Variants in VPS41 observed in about 807,000 individuals in gnomAD.
VPS41 encodes the protein VPS41 subunit of HOPS complex, also known as vacuolar protein sorting-associated protein 41 homolog.
VPS41 carries 85 observed loss-of-function variants against 130.9 expected under a neutral mutation model. That is an observed-to-expected ratio of 0.65 (90% CI 0.55 to 0.78). The LOEUF (loss-of-function observed/expected upper bound fraction) is 0.78. Ranked by LOEUF, VPS41 falls within the 30% of genes least tolerant of loss-of-function variation. The probability of loss-of-function intolerance (pLI) is 0.00; values close to 1 mark genes in which losing one functional copy is unlikely to be tolerated. For synonymous variants in VPS41, 335 were observed against 332.9 expected (o/e 1.01, Z -0.07); for missense variants, 874 against 1,018.7 (o/e 0.86, Z 1.93).
At chr7:38,845,561 G>A (rs1785705984) in intron 4 of VPS41, among the ~76,000 whole-genome samples, 1 of 152,174 alleles carries the variant, frequency 6.6e-6, no homozygotes, top group Admixed American at 6.5e-5. Flanking sequence ...TCTCTTAACA[G>A]TTCAGATCAA....
chr7:38,801,553 T>C (rs1410781444), intron 7 of VPS41, among the ~76,000 whole-genome samples: 2 of 152,216 alleles, frequency 1.3e-5, no homozygotes, highest in East Asian at 3.9e-4. Flanking sequence ...ATAAACATAC[T>C]AAGGAAAGTC....
chr7:38,775,558 G>A, intron 11 of VPS41: 1 of 149,370 alleles, frequency 6.7e-6, no homozygotes, highest in Non-Finnish European at 1.5e-5. Context: ...AGGAGCCACT[G>A]CTTTTATTTT....
At chr7:38,749,269 A>G (rs887115782) in intron 22 of VPS41, among the ~76,000 whole-genome samples, 6 of 152,164 alleles carry the variant, frequency 3.9e-5, no homozygotes, top group African/African-American at 1.4e-4. Context: ...AGGTTAACCT[A>G]GATTCTTGAA....
chr7:38,906,536 G>A (rs1787268542), intron 1 of VPS41, among the ~76,000 whole-genome samples: 1 of 151,914 alleles, frequency 6.6e-6, no homozygotes, highest in African/African-American at 2.4e-5. Flanking sequence ...ATAGGGTTTT[G>A]CTATGTTGCC....
chr7:38,764,939 T>G (rs1784006144), intron 16 of VPS41, among the ~76,000 whole-genome samples: 1 of 151,940 alleles, frequency 6.6e-6, no homozygotes, highest in Admixed American at 6.6e-5. Context: ...ATAAACCCAA[T>G]GAGAAGTGTA....
At chr7:38,795,643 A>T (rs1784604728) in intron 8 of VPS41, 32 bp from the exon 9 acceptor site, 1 of 1,584,270 alleles carries the variant, frequency 6.3e-7, no homozygotes, top group Admixed American at 1.8e-5. Flanking sequence ...AGCATCCTCT[A>T]CTCAGGAGGA....
At chr7:38,787,029 C>T (rs1784450600) in intron 10 of VPS41, among the ~76,000 whole-genome samples, 1 of 152,146 alleles carries the variant, frequency 6.6e-6, no homozygotes, top group Non-Finnish European at 1.5e-5. Flanking sequence ...TCTAAGACCA[C>T]AGTATATGAT....
At chr7:38,840,242 G>C (rs1183258324) in intron 4 of VPS41, among the ~76,000 whole-genome samples, 2 of 152,146 alleles carry the variant, frequency 1.3e-5, no homozygotes, top group Non-Finnish European at 2.9e-5. Context: ...GTAAAAAAAA[G>C]TAAACTGTTG....
chr7:38,888,895 T>G (rs1474646217), intron 2 of VPS41, among the ~76,000 whole-genome samples: 1 of 138,122 alleles, frequency 7.2e-6, no homozygotes, highest in Non-Finnish European at 1.5e-5. Flanking sequence ...CACAACTACA[T>G]GGAAACTGAA....
In VPS41 at chr7:38,887,245, C is replaced by T. The variant is rs534075871; in HGVS notation, c.60+10846G>A. On this transcript the variant is annotated intron_variant, in intron 2 of 28. Coordinates refer to ENST00000310301, the MANE Select transcript of VPS41 (RefSeq NM_014396.4). The stretch of plus-strand genomic sequence containing the variant: ...CTAACTTCTCCAAACTAAAGCAGCA[C>T]GTTCTAACCCATCACGAGGAAGCTA... Among the ~76,000 whole-genome samples, 9 of 152,220 alleles carry T rather than the reference C, an allele frequency of 5.9e-5. No homozygotes were observed. The East Asian group carries it at 1.2e-3, about 20-fold the overall frequency.
chr7:38,758,363 A>T lies in VPS41; in HGVS notation c.1541T>A (p.Leu514Gln). Reference sequence around the variant, plus strand: ...ACTTAAGTATACTCACAATTCTGCCAGGGTTTTAAGTAAAGTCTTGTTCTG... The same window carrying T: ...ACTTAAGTATACTCACAATTCTGCCTGGGTTTTAAGTAAAGTCTTGTTCTG... ...DSQNKTLLKT[L>Q]AELYTYDKNY... Residue 514 changes from leucine to glutamine, a missense_variant, in exon 18 of 29, where the codon CTG (leucine) becomes CAG (glutamine). Transcript: ENST00000310301. 6.2e-7 allele frequency: 1 copy of T among 1,608,296 alleles called. No individual in the cohort carries two copies. The highest frequency in any genetic ancestry group is 1.7e-5 in the Admixed American group (1 of 58,690).
Position 38,892,611 on chromosome 7 carries a change from T to C in VPS41, c.60+5480A>G, listed in dbSNP as rs138735795. Among the ~76,000 whole-genome samples, 81 of 152,322 alleles carry C rather than the reference T, an allele frequency of 5.3e-4. No individual in the cohort carries two copies. In the East Asian group the frequency reaches 0.014, roughly 26 times the overall value. On this transcript the variant is annotated intron_variant, in intron 2 of 28. Transcript: ENST00000310301. ...AAATTCCAGAAATTAATTTGATCATTTGCTTTTGTTTGAAAATATATTTAA... is the reference window on the plus strand; with the variant it reads ...AAATTCCAGAAATTAATTTGATCATCTGCTTTTGTTTGAAAATATATTTAA...
rs559746135 is a variant in VPS41, at chr7:38,792,596, T to C, written c.718-2729A>G. ...TGACCTGAGACAACATTATTTTTTATGGAGATGACTGCGGTAGCCTAATTG... is the reference window on the plus strand; with the variant it reads ...TGACCTGAGACAACATTATTTTTTACGGAGATGACTGCGGTAGCCTAATTG... On this transcript the variant is annotated intron_variant, in intron 9 of 28. Coordinates refer to ENST00000310301, the MANE Select transcript of VPS41 (RefSeq NM_014396.4). 3.3e-5 allele frequency among the ~76,000 whole-genome samples: 5 copies of C among 152,318 alleles called. No homozygotes were observed. In the East Asian group the frequency reaches 7.7e-4, roughly 24 times the overall value.
chr7:38,730,148 G>A (rs1172482702), intron 25 of VPS41, among the ~76,000 whole-genome samples: 1 of 152,174 alleles, frequency 6.6e-6, no homozygotes, highest in Non-Finnish European at 1.5e-5. Context: ...AGAAGCATGT[G>A]TCTTTCACGG....
At position 38,895,325 on chromosome 7, in the gene VPS41, A is replaced by C. The variant is rs182278407; in HGVS notation, c.60+2766T>G. 8.1e-3 allele frequency among the ~76,000 whole-genome samples: 1,230 copies of C among 152,290 alleles called. 10 individuals carry two copies. The highest frequency in any genetic ancestry group is 0.013 in the Non-Finnish European group (893 of 68,028). On this transcript the variant is annotated intron_variant, in intron 2 of 28. Coordinates refer to ENST00000310301, the MANE Select transcript of VPS41 (RefSeq NM_014396.4). The stretch of plus-strand genomic sequence containing the variant: ...TGACAAAGCAAGACTTTGTCTAAAA[A>C]AAAATAAAAATAAAAAAATAAAAAA...
chr7:38,760,924 G>C (rs941659047), intron 17 of VPS41, among the ~76,000 whole-genome samples: 1 of 152,094 alleles, frequency 6.6e-6, no homozygotes, highest in African/African-American at 2.4e-5. Flanking sequence ...CAGTAATATA[G>C]TTTTCATTAA....
intron 9 of VPS41, among the ~76,000 whole-genome samples, chr7:38,794,677 C>T (rs1480564496): frequency 6.6e-6 from 1 of 152,208 alleles, no homozygotes; most frequent in Non-Finnish European, 1.5e-5. Flanking sequence ...AATGGAGAAG[C>T]TGGACTTGAT....
chr7:38,725,271 A>C lies in VPS41; in HGVS notation c.*975T>G, dbSNP rs1795515582. 6.6e-6 allele frequency: 1 copy of C among 152,242 alleles called. No individual in the cohort carries two copies. The highest frequency in any genetic ancestry group is 2.4e-5 in the African/African-American group (1 of 41,462). The allele number at this position is 152,242 out of a possible 1,614,324, so 9.4% of individuals were successfully genotyped here. ...ATGAAGCCAGTAACTGTAAGACACAATTACAAGTTTGACTTTTCTCCCTCT... is the reference window on the plus strand; with the variant it reads ...ATGAAGCCAGTAACTGTAAGACACACTTACAAGTTTGACTTTTCTCCCTCT... On this transcript the variant is annotated 3_prime_UTR_variant, in exon 29 of 29. Coordinates refer to ENST00000310301, the MANE Select transcript of VPS41 (RefSeq NM_014396.4).
chr7:38,754,740 C>T lies in VPS41; in HGVS notation c.1750G>A (p.Val584Met). 1 of 1,613,426 alleles carries T rather than the reference C, an allele frequency of 6.2e-7. No homozygotes were observed. Among genetic ancestry groups the T allele is most frequent in the Non-Finnish European group, 8.5e-7 (1 of 1,179,630 alleles). ...NEDKISIKKV[V>M]EELEDRPELQ... ...TCTGGTCTGTCTTCCAATTCTTCCA[C>T]TACCTTTTTAATCTAGATAAAAAAG... Residue 584 changes from valine (V) to methionine (M), a missense_variant, in exon 21 of 29, where the codon GTG becomes ATG. Coordinates refer to ENST00000310301, the MANE Select transcript of VPS41 (RefSeq NM_014396.4).
Sources: gnomAD v4.1 joint callset for allele counts (sites outside exome capture counted in the v4.1 genomes callset) on GRCh38, gnomAD v4.1.1 for gene constraint, MANE v1.5 for transcripts, NCBI Gene and HGNC (gene_info 2026-07-23, HGNC 2026-07-21) for gene names.